The following NRXN3 variants were observed in gnomAD, a reference collection of about 807,000 sequenced individuals.
NRXN3 encodes the protein neurexin III.
Under a neutral mutation model 137.6 loss-of-function variants are expected in NRXN3, and 32 were observed. The ratio of observed to expected loss-of-function variants is 0.23; its 90% CI spans 0.18 to 0.31. The LOEUF is 0.31. Among genes scored for constraint, NRXN3 ranks in the 10% least tolerant of loss-of-function variants. NRXN3 has a pLI of 1.00. For synonymous variants in NRXN3, 798 were observed against 784.5 expected (o/e 1.02, Z -0.29); for missense variants, 1,574 against 2,062.5 (o/e 0.76, Z 4.59).
chr14:78,402,379 G>T (rs540447666), intron 4 of NRXN3, among the ~76,000 whole-genome samples: 1 of 152,294 alleles, frequency 6.6e-6, no homozygotes, highest in Admixed American at 6.5e-5. Context: ...GTCTTTTATT[G>T]AATATATAAT....
intron 16 of NRXN3, among the ~76,000 whole-genome samples, chr14:79,490,372 G>T (rs1243389925): frequency 1.3e-5 from 2 of 152,132 alleles, no homozygotes; most frequent in East Asian, 1.9e-4. Context: ...TCCTATGTTT[G>T]TTGCAGCACT....
chr14:78,240,154 C>G (rs1396726189), intron 1 of NRXN3, among the ~76,000 whole-genome samples: 1 of 152,208 alleles, frequency 6.6e-6, no homozygotes, highest in African/African-American at 2.4e-5. Flanking sequence ...TTGGCTCTCA[C>G]AAGCCTGTAT....
intron 4 of NRXN3, among the ~76,000 whole-genome samples, chr14:78,642,324 A>T (rs2097643642): frequency 6.6e-6 from 1 of 152,184 alleles, no homozygotes. Context: ...CATCTCTAAA[A>T]TCCCTTATAG....
chr14:78,934,441 T>C (rs1034873122), intron 10 of NRXN3, among the ~76,000 whole-genome samples: 2 of 152,140 alleles, frequency 1.3e-5, no homozygotes, highest in Non-Finnish European at 2.9e-5. Flanking sequence ...CATGATGCTC[T>C]AAAGCATTTT....
intron 15 of NRXN3, among the ~76,000 whole-genome samples, chr14:79,255,219 T>A (rs553995783): frequency 3.3e-5 from 5 of 152,234 alleles, no homozygotes; most frequent in Admixed American, 1.3e-4. Context: ...CCAGGCCATC[T>A]GGTTCCACTG....
chr14:78,879,724 G>T (rs2099123120), intron 10 of NRXN3, among the ~76,000 whole-genome samples: 1 of 152,106 alleles, frequency 6.6e-6, no homozygotes, highest in Admixed American at 6.5e-5. Flanking sequence ...CCTTGCACTA[G>T]ACACACTCAT....
intron 14 of NRXN3, among the ~76,000 whole-genome samples, chr14:78,973,150 C>A (rs957533125): frequency 2.0e-5 from 3 of 152,086 alleles, no homozygotes; most frequent in Admixed American, 2.0e-4. Flanking sequence ...TTGGGGGGTA[C>A]CAAAGAGGTT....
At chr14:79,733,023 G>C (rs543380288) in intron 19 of NRXN3, among the ~76,000 whole-genome samples, 57 of 152,092 alleles carry the variant, frequency 3.7e-4, no homozygotes, top group African/African-American at 1.2e-3. Context: ...TCCTGACCTT[G>C]GATAAAATTA....
intron 8 of NRXN3, among the ~76,000 whole-genome samples, chr14:78,715,919 A>T (rs1335212974): frequency 6.6e-6 from 1 of 152,184 alleles, no homozygotes; most frequent in Non-Finnish European, 1.5e-5. Context: ...CCTTGGAAGG[A>T]GACCTAACAT....
chr14:78,770,548 C>T (rs994662769), intron 8 of NRXN3, among the ~76,000 whole-genome samples: 1 of 152,020 alleles, frequency 6.6e-6, no homozygotes, highest in Non-Finnish European at 1.5e-5. Flanking sequence ...ACATAGTGGC[C>T]AAAGGGCTGA....
rs571429013 is a variant in NRXN3, at chr14:78,204,659, G to A, written c.-704+33985G>A. 8.5e-5 allele frequency among the ~76,000 whole-genome samples: 13 copies of A among 152,090 alleles called. No individual in the cohort carries two copies. In the South Asian group the frequency reaches 2.7e-3, roughly 32 times the overall value. On this transcript the variant is annotated intron_variant, in intron 1 of 20. Transcript: ENST00000335750. ...TTATGATCTAAATTAAATAATATGTGCATAGAAAAAAGACTACAAAGGTTA... is the reference window on the plus strand; with the variant it reads ...TTATGATCTAAATTAAATAATATGTACATAGAAAAAAGACTACAAAGGTTA...
At chr14:78,952,200 A>C (rs2099388426) in intron 10 of NRXN3, among the ~76,000 whole-genome samples, 1 of 151,898 alleles carries the variant, frequency 6.6e-6, no homozygotes, top group African/African-American at 2.4e-5. Flanking sequence ...GTGTTCTGCC[A>C]AACGGGCTCT....
chr14:78,641,522 A>G lies in NRXN3; in HGVS notation c.758-3598A>G, dbSNP rs574753735. Among the ~76,000 whole-genome samples, 7 of 152,332 alleles carry G rather than the reference A, an allele frequency of 4.6e-5. No individual in the cohort carries two copies. In the South Asian group the frequency reaches 1.5e-3, roughly 32 times the overall value. On this transcript the variant is annotated intron_variant, in intron 4 of 20. Coordinates refer to ENST00000335750, the MANE Select transcript of NRXN3 (RefSeq NM_001330195.2). ...ATGCATTGCTAGTGCCTCTTACCCCATAACATGTAGGGGAAAATTATTCCA... is the reference window on the plus strand; with the variant it reads ...ATGCATTGCTAGTGCCTCTTACCCCGTAACATGTAGGGGAAAATTATTCCA...
chr14:78,341,713 A>G (rs1166385805), intron 4 of NRXN3, among the ~76,000 whole-genome samples: 2 of 152,212 alleles, frequency 1.3e-5, no homozygotes, highest in Non-Finnish European at 2.9e-5. Context: ...AAAGGATTGC[A>G]CTAAATCCCT....
At chr14:79,673,030 C>T (rs2098618898) in intron 17 of NRXN3, among the ~76,000 whole-genome samples, 1 of 151,968 alleles carries the variant, frequency 6.6e-6, no homozygotes, top group Admixed American at 6.6e-5. Flanking sequence ...GTGCTCTATA[C>T]TGTAAATCAC....
intron 6 of NRXN3, among the ~76,000 whole-genome samples, chr14:78,653,665 G>A (rs913368900): frequency 8.7e-5 from 13 of 150,052 alleles, no homozygotes; most frequent in African/African-American, 3.2e-4. Flanking sequence ...AAACACAAAG[G>A]TGTCTCTGAT....
Position 78,709,330 on chromosome 14 carries a change from A to G in NRXN3, c.1335A>G (p.Thr445=), listed in dbSNP as rs755813972. 3 of 1,614,134 alleles carry G rather than the reference A, an allele frequency of 1.9e-6. No individual in the cohort carries two copies. Among genetic ancestry groups the G allele is most frequent in the Admixed American group, 1.7e-5 (1 of 60,022 alleles). ...EVVFKCENVA[T]LDPINFETPE... ...TGTTTAAGTGTGAGAATGTGGCCAC[A>G]CTGGACCCCATCAACTTTGAGACCC... Residue 445 remains threonine (T), a synonymous_variant, in exon 7 of 21, where the codon ACA becomes ACG. Transcript: ENST00000335750.
intron 19 of NRXN3, among the ~76,000 whole-genome samples, chr14:79,713,368 T>A (rs571427357): frequency 2.7e-5 from 4 of 149,386 alleles, no homozygotes; most frequent in African/African-American, 9.8e-5. Flanking sequence ...AGCTAAGCTA[T>A]TACTAAACTA....
chr14:79,435,591 G>GAC (rs1165199165), intron 15 of NRXN3, among the ~76,000 whole-genome samples: 3 of 57,280 alleles, frequency 5.2e-5, no homozygotes, highest in Non-Finnish European at 1.1e-4. Context: ...AGAACACTAA[G>GAC]ATACACACAC....
Sources: gnomAD v4.1 joint callset for allele counts (sites outside exome capture counted in the v4.1 genomes callset) on GRCh38, gnomAD v4.1.1 for gene constraint, MANE v1.5 for transcripts, NCBI Gene and HGNC (gene_info 2026-07-23, HGNC 2026-07-21) for gene names.